SNPH: variants seen among roughly 807,000 people sequenced by gnomAD.
SNPH encodes syntaphilin.
SNPH carries 10 observed loss-of-function variants against 36.8 expected under a neutral mutation model. The observed-to-expected ratio is 0.27, with a 90% confidence interval of 0.17 to 0.46. The LOEUF (loss-of-function observed/expected upper bound fraction) is 0.46, where lower values mean the gene tolerates loss of function less well. SNPH is among the 20% of genes least tolerant of loss of function. SNPH has a pLI of 1.00. For synonymous variants in SNPH, 281 were observed against 312.2 expected, an observed-to-expected ratio of 0.90 and a Z score of 1.05; for missense variants, 622 against 744.0, an observed-to-expected ratio of 0.84 and a Z score of 1.91.
At chr20:1,284,272 C>T (rs976970055) in intron 2 of SNPH, among the ~76,000 whole-genome samples, 1 of 152,180 alleles carries the variant, frequency 6.6e-6, no homozygotes, top group Non-Finnish European at 1.5e-5. Flanking sequence ...TCTTCCCCCC[C>T]TTTTGTTGAC....
chr20:1,289,391 G>T (rs765192206), intron 2 of SNPH, among the ~76,000 whole-genome samples: 1 of 152,160 alleles, frequency 6.6e-6, no homozygotes, highest in African/African-American at 2.4e-5. Context: ...CTGAAGTCAG[G>T]TAGAGGGGGG....
At chr20:1,297,004 GTCTCTCTCTCCCTGCT>G in intron 4 of SNPH, 125 bp from the exon 5 acceptor site, 1 of 1,401,710 alleles carries the variant, frequency 7.1e-7, no homozygotes, top group Non-Finnish European at 9.4e-7. Context: ...CTGTCTGTGC[GTCTCTCTCTCCCTGCT>G]TCTCTCCCCT....
chr20:1,289,375 A>G (rs543255865), intron 2 of SNPH, among the ~76,000 whole-genome samples: 1 of 152,306 alleles, frequency 6.6e-6, no homozygotes, highest in East Asian at 1.9e-4. Context: ...TCCTGGGCCC[A>G]GCTACCTGAA....
chr20:1,305,494 A>G lies in SNPH; in HGVS notation c.1057A>G (p.Met353Val). 6.2e-7 allele frequency: 1 copy of G among 1,613,240 alleles called. No homozygotes were observed. Among genetic ancestry groups the G allele is most frequent in the Non-Finnish European group, 8.5e-7 (1 of 1,180,020 alleles). ...GMEAGVQASC[M>V]QERAIQTDFV... ...GGAGGCTGGTGTGCAGGCCAGCTGCATGCAGGAGCGTGCCATCCAGACAGA... is the reference window on the plus strand; with the variant it reads ...GGAGGCTGGTGTGCAGGCCAGCTGCGTGCAGGAGCGTGCCATCCAGACAGA... Residue 353 changes from methionine to valine, a missense_variant, in exon 7 of 7, where the codon ATG (methionine) becomes GTG (valine). Coordinates refer to ENST00000381867, the MANE Select transcript of SNPH (RefSeq NM_001318234.2).
Position 1,266,404 on chromosome 20 carries a change from A to G in SNPH, c.-600+7A>G, listed in dbSNP as rs905612492. The G allele has an allele frequency of 2.3e-6, 1 of 431,196 alleles. No homozygotes were observed. The highest frequency in any genetic ancestry group is 2.1e-5 in the African/African-American group (1 of 48,156). The allele number at this position is 431,196 out of a possible 1,614,324, so 26.7% of individuals were successfully genotyped here. A position where few individuals can be genotyped will look rare whatever the true frequency, so the allele number is the denominator to read the frequency against. On this transcript the variant is annotated splice_region_variant and intron_variant, in intron 1 of 6. Coordinates refer to ENST00000381867, the MANE Select transcript of SNPH (RefSeq NM_001318234.2). This position sits in a 1 kb window ranked among gnomAD's most constrained non-coding sequence, Gnocchi z 6.0. ...GCCATGGAAGCCTCCGCAGGTGATG[A>G]CAAGGACCCCGGGGATCTCCGGGCC...
chr20:1,277,574 CTGTG>C (rs1265547143), intron 2 of SNPH, among the ~76,000 whole-genome samples: 8 of 108,678 alleles, frequency 7.4e-5, no homozygotes, highest in East Asian at 3.1e-4. Flanking sequence ...TGTCGTGTGT[CTGTG>C]TGTGTGTGTC....
At chr20:1,277,465 G>T (rs1407261679) in intron 2 of SNPH, among the ~76,000 whole-genome samples, 1 of 150,684 alleles carries the variant, frequency 6.6e-6, no homozygotes, top group East Asian at 1.9e-4. Flanking sequence ...GTGTATGCCT[G>T]TGTGTGTGTC....
chr20:1,291,200 A>G (rs1270694254), intron 2 of SNPH, among the ~76,000 whole-genome samples: 1 of 152,212 alleles, frequency 6.6e-6, no homozygotes, highest in Non-Finnish European at 1.5e-5. Context: ...TGCCTGGGGA[A>G]GCTTCTCACA....
chr20:1,291,551 A>C (rs965595056), intron 2 of SNPH, among the ~76,000 whole-genome samples: 1 of 152,152 alleles, frequency 6.6e-6, no homozygotes, highest in Non-Finnish European at 1.5e-5. Flanking sequence ...ACCTCTCTGC[A>C]TTAGCATTCT....
At chr20:1,295,450 C>T (rs1287945255) in intron 3 of SNPH, among the ~76,000 whole-genome samples, 2 of 152,164 alleles carry the variant, frequency 1.3e-5, no homozygotes, top group East Asian at 3.9e-4. Context: ...CTGGGTCCAC[C>T]CACTGGGACA....
intron 6 of SNPH, among the ~76,000 whole-genome samples, chr20:1,303,293 C>T (rs528033659): frequency 4.6e-5 from 7 of 152,374 alleles, no homozygotes; most frequent in Non-Finnish European, 8.8e-5. Context: ...CCCTTCAAGA[C>T]GCACTTCAGA....
At chr20:1,280,330 C>T (rs1305835630) in intron 2 of SNPH, among the ~76,000 whole-genome samples, 2 of 152,192 alleles carry the variant, frequency 1.3e-5, no homozygotes, top group African/African-American at 4.8e-5. Context: ...TGTGCTCTAG[C>T]TGTGAATTCT....
Position 1,294,665 on chromosome 20 carries a change from C to G in SNPH, c.-492-286C>G, listed in dbSNP as rs570477620. 2.0e-5 allele frequency among the ~76,000 whole-genome samples: 3 copies of G among 152,336 alleles called. No homozygotes were observed. The East Asian group carries it at 5.8e-4, about 29-fold the overall frequency. On this transcript the variant is annotated intron_variant, in intron 2 of 6. Coordinates refer to ENST00000381867, the MANE Select transcript of SNPH (RefSeq NM_001318234.2). This position sits in a 1 kb window ranked among gnomAD's most constrained non-coding sequence, Gnocchi z 4.4. ...CAGGGGAACAGGCTGTGTTCTATGT[C>G]CCCGCCAGGAAACAGGCCATCTGAG...
At chr20:1,281,698 A>C (rs147231593) in intron 2 of SNPH, among the ~76,000 whole-genome samples, 1 of 152,338 alleles carries the variant, frequency 6.6e-6, no homozygotes, top group East Asian at 1.9e-4. Context: ...CCAGCTTCTG[A>C]GTTCTGCAGA....
rs1466540612 is a variant in SNPH at position 1,304,637 on chromosome 20, A to G, written c.441-241A>G. Among the ~76,000 whole-genome samples the G allele has an allele frequency of 1.3e-5, 2 of 151,494 alleles. No individual in the cohort carries two copies. The highest frequency in any genetic ancestry group is 2.9e-5 in the Non-Finnish European group (2 of 67,862). ...GGAATGCGAGTGGTGTCTCCTCCCA[A>G]CCTTTCTTCTCTCTCCAGGCAGAGG... is the stretch of plus-strand genomic sequence containing the variant. On this transcript the variant is annotated intron_variant, in intron 6 of 6. Coordinates refer to ENST00000381867, the MANE Select transcript of SNPH (RefSeq NM_001318234.2). The surrounding 1 kb of genome is among the most constrained non-coding windows in gnomAD (Gnocchi z 4.3).
chr20:1,281,507 C>G (rs1368078732), intron 2 of SNPH, among the ~76,000 whole-genome samples: 1 of 152,204 alleles, frequency 6.6e-6, no homozygotes. Flanking sequence ...CTCTACTCTC[C>G]CTATGCCCCT....
Position 1,305,339 on chromosome 20 carries a change from C to G in SNPH, c.902C>G (p.Ala301Gly), listed in dbSNP as rs73579357. Residue 301 changes from alanine (A) to glycine (G), a missense_variant, in exon 7 of 7, where the codon GCG becomes GGG. Physicochemically the swap from Ala to Gly is moderately conservative, Grantham distance 60. Coordinates refer to ENST00000381867, the MANE Select transcript of SNPH (RefSeq NM_001318234.2). ...AADDTLSRTDALEASSLLSSG... is the reference protein window; with the variant it reads ...AADDTLSRTDGLEASSLLSSG... Reference sequence around the variant, plus strand: ...GATGACACACTGAGCCGGACGGACGCGCTGGAAGCCAGCAGCCTGCTGTCG... The same window carrying G: ...GATGACACACTGAGCCGGACGGACGGGCTGGAAGCCAGCAGCCTGCTGTCG... 5.0e-6 allele frequency: 8 copies of G among 1,611,248 alleles called. No individual in the cohort carries two copies. The highest frequency in any genetic ancestry group is 6.8e-6 in the Non-Finnish European group (8 of 1,179,588).
At chr20:1,280,314 G>A (rs1254253439) in intron 2 of SNPH, among the ~76,000 whole-genome samples, 1 of 152,210 alleles carries the variant, frequency 6.6e-6, no homozygotes, top group African/African-American at 2.4e-5. Context: ...TCTTACTGGT[G>A]CACGATGTGC....
At chr20:1,271,078 G>A (rs923034341) in intron 2 of SNPH, among the ~76,000 whole-genome samples, 8 of 152,208 alleles carry the variant, frequency 5.3e-5, no homozygotes, top group African/African-American at 1.2e-4. Flanking sequence ...CGTGTTTGTC[G>A]CATACTCAGC....
Sources: allele counts gnomAD v4.1 joint callset (sites outside exome capture counted in the v4.1 genomes callset), GRCh38; gene constraint gnomAD v4.1.1; non-coding constraint Gnocchi (gnomAD v3.1); transcripts MANE v1.5; gene names NCBI Gene and HGNC (gene_info 2026-07-23, HGNC 2026-07-21).